The following CFAP77 variants were observed in gnomAD, a reference collection of about 807,000 sequenced individuals.
CFAP77 encodes cilia and flagella associated protein 77, also known as cilia- and flagella-associated protein 77.
In CFAP77, 25 loss-of-function variants were observed where a neutral mutation model predicts 31.1. That is an observed-to-expected ratio of 0.80 (90% confidence interval 0.59 to 1.12). CFAP77 has a LOEUF of 1.12. Ranked by LOEUF, CFAP77 falls within the 50% of genes most tolerant of loss-of-function variation. The probability of loss-of-function intolerance (pLI) is 0.00; values close to 1 mark genes in which losing one functional copy is unlikely to be tolerated. For missense variants in CFAP77, 377 were observed against 397.3 expected (o/e 0.95, Z 0.44); for synonymous variants, 151 against 159.9 (o/e 0.94, Z 0.42).
chr9:132,512,045 ACT>A (rs1852050438), intron 3 of CFAP77, among the ~76,000 whole-genome samples: 1 of 150,926 alleles, frequency 6.6e-6, no homozygotes, highest in Non-Finnish European at 1.5e-5. Flanking sequence ...CAAAAGCAAA[ACT>A]CTGTTTAAAA....
chr9:132,517,499 T>C lies in CFAP77; in HGVS notation c.524+17899T>C, dbSNP rs965718428. ...TCACTGATGACCAATTATTTTAGCC[T>C]GCTGTGAACGGAGAGCCGTACTAAA... On this transcript the variant is annotated intron_variant, in intron 3 of 5. Transcript: ENST00000393216. The surrounding 1 kb of genome is among the most constrained non-coding windows in gnomAD (Gnocchi z 4.7). Among the ~76,000 whole-genome samples the C allele has an allele frequency of 2.2e-4, 33 of 152,334 alleles. No homozygotes were observed. The highest frequency in any genetic ancestry group is 7.7e-4 in the African/African-American group (32 of 41,564).
chr9:132,529,765 G>A (rs1253891937), intron 3 of CFAP77, among the ~76,000 whole-genome samples: 2 of 151,020 alleles, frequency 1.3e-5, no homozygotes, highest in African/African-American at 4.9e-5. Flanking sequence ...GGCAGAGGTT[G>A]CAGTGAGCCA....
chr9:132,461,912 C>A (rs1191825239), intron 1 of CFAP77, among the ~76,000 whole-genome samples: 1 of 152,116 alleles, frequency 6.6e-6, no homozygotes, highest in African/African-American at 2.4e-5. Flanking sequence ...TTTTAAACGC[C>A]CCAAGGGTCC....
At chr9:132,515,468 TGA>T (rs1222736593) in intron 3 of CFAP77, among the ~76,000 whole-genome samples, 1 of 152,230 alleles carries the variant, frequency 6.6e-6, no homozygotes, top group Non-Finnish European at 1.5e-5. Flanking sequence ...AGTATAAAGA[TGA>T]ATATAATCCA....
intron 3 of CFAP77, among the ~76,000 whole-genome samples, chr9:132,530,064 T>C (rs568584511): frequency 1.0e-3 from 154 of 151,988 alleles, no homozygotes; most frequent in Non-Finnish European, 2.0e-3. Context: ...TTCATGTGTT[T>C]GTTTGCCATC....
In CFAP77 at chr9:132,499,564, C is replaced by G. The variant is rs768180880; in HGVS notation, c.488C>G (p.Pro163Arg). The change falls in exon 3 of 6, where the codon CCT (proline) becomes CGT (arginine). Residue 163 changes from proline (P) to arginine (R), a missense_variant. By Grantham distance (103) the Pro-to-Arg change is moderately radical (BLOSUM62 -2). Transcript: ENST00000393216. This position sits in a 1 kb window ranked among gnomAD's most constrained non-coding sequence, Gnocchi z 5.4. ...CGGCGCATGAAGAAAGAGCCGCCCC[C>G]TCTCCCTCCAAACATGACATTTGGG... ...DDRRMKKEPP[P>R]LPPNMTFGIR... 8.1e-6 allele frequency: 13 copies of G among 1,614,244 alleles called. No homozygotes were observed. The Admixed American group carries it at 1.8e-4, about 23-fold the overall frequency.
At chr9:132,541,797 G>A (rs1431259607) in intron 4 of CFAP77, among the ~76,000 whole-genome samples, 1 of 152,192 alleles carries the variant, frequency 6.6e-6, no homozygotes, top group Non-Finnish European at 1.5e-5. Flanking sequence ...AATAAAATCA[G>A]TAAAAGGGGT....
rs1449135824 is a variant in CFAP77, at chr9:132,410,211, G to A, written c.-61G>A. 16 of 1,416,182 alleles carry A rather than the reference G, an allele frequency of 1.1e-5. No homozygotes were observed. In the East Asian group the frequency reaches 2.5e-4, roughly 22 times the overall value. The allele number at this position is 1,416,182 out of a possible 1,614,324, so 87.7% of individuals were successfully genotyped here. A position where few individuals can be genotyped will look rare whatever the true frequency, so the allele number is the denominator to read the frequency against. ...CAGGCCCTTCGGAGCTCCAGGCTGTGCCCGACGTGGGGAAGCGCGCCCAAA... is the reference window on the plus strand; with the variant it reads ...CAGGCCCTTCGGAGCTCCAGGCTGTACCCGACGTGGGGAAGCGCGCCCAAA... On this transcript the variant is annotated 5_prime_UTR_variant, in exon 1 of 6. Coordinates refer to ENST00000393216, the MANE Select transcript of CFAP77 (RefSeq NM_001282957.2).
chr9:132,505,988 C>A (rs755702147), intron 3 of CFAP77, among the ~76,000 whole-genome samples: 1 of 152,192 alleles, frequency 6.6e-6, no homozygotes, highest in Admixed American at 6.5e-5. Flanking sequence ...TAATTGCTAA[C>A]CCTTATGTCC....
chr9:132,516,576 A>G (rs10793935), intron 3 of CFAP77, among the ~76,000 whole-genome samples: 59,778 of 148,766 alleles, frequency 0.4, 12,242 homozygotes, highest in East Asian at 0.65. Context: ...ACACATGATT[A>G]AACCACACAG....
intron 1 of CFAP77, among the ~76,000 whole-genome samples, chr9:132,493,389 A>G (rs545641467): frequency 4.6e-5 from 7 of 152,334 alleles, no homozygotes; most frequent in Admixed American, 2.0e-4. Flanking sequence ...TGCATTTGGA[A>G]AAAAAATAGT....
In CFAP77 at chr9:132,501,756, G is replaced by C. The variant is rs1851848434; in HGVS notation, c.524+2156G>C. On this transcript the variant is annotated intron_variant, in intron 3 of 5. Coordinates refer to ENST00000393216, the MANE Select transcript of CFAP77 (RefSeq NM_001282957.2). The surrounding 1 kb of genome is among the most constrained non-coding windows in gnomAD (Gnocchi z 4.6). ...GGTCAGGGCTGAGACGCCAGGCCTGGGTCATGTGTCTGCCTCAGAGCCAAT... is the reference window on the plus strand; with the variant it reads ...GGTCAGGGCTGAGACGCCAGGCCTGCGTCATGTGTCTGCCTCAGAGCCAAT... Among the ~76,000 whole-genome samples the C allele has an allele frequency of 6.6e-6, 1 of 152,192 alleles. No individual in the cohort carries two copies. The highest frequency in any genetic ancestry group is 1.5e-5 in the Non-Finnish European group (1 of 68,036).
intron 1 of CFAP77, among the ~76,000 whole-genome samples, chr9:132,445,593 C>T (rs552360481): frequency 4.6e-5 from 7 of 152,154 alleles, no homozygotes; most frequent in South Asian, 2.1e-4. Context: ...ATATGCTGGG[C>T]GCGGTGGCTC....
Position 132,539,718 on chromosome 9 carries a change from A to T in CFAP77, c.630+2012A>T, listed in dbSNP as rs1852606620. Among the ~76,000 whole-genome samples the T allele has an allele frequency of 6.6e-6, 1 of 152,134 alleles. No homozygotes were observed. Among genetic ancestry groups the T allele is most frequent in the Admixed American group, 6.5e-5 (1 of 15,286 alleles). On this transcript the variant is annotated intron_variant, in intron 4 of 5. Transcript: ENST00000393216. The surrounding 1 kb of genome is among the most constrained non-coding windows in gnomAD (Gnocchi z 4.3). ...GCCAGGGCCTCTCCTGGCTCTTCTC[A>T]GCAGTCTGCAGAACGTCAGACACCT...
intron 5 of CFAP77, among the ~76,000 whole-genome samples, chr9:132,550,482 T>A (rs1852805615): frequency 6.6e-6 from 1 of 151,638 alleles, no homozygotes; most frequent in African/African-American, 2.4e-5. Flanking sequence ...GGGAAGGAAT[T>A]TGGGGAGCAG....
chr9:132,505,107 T>C (rs138401448), intron 3 of CFAP77, among the ~76,000 whole-genome samples: 8 of 152,366 alleles, frequency 5.3e-5, no homozygotes, highest in Non-Finnish European at 8.8e-5. Context: ...TCAGACTGAA[T>C]CCACTAACGC....
At chr9:132,518,113 A>C (rs1852181275) in intron 3 of CFAP77, among the ~76,000 whole-genome samples, 1 of 152,136 alleles carries the variant, frequency 6.6e-6, no homozygotes, top group Non-Finnish European at 1.5e-5. Context: ...CAGGCTGTTC[A>C]GGAGTCCACA....
rs888644854 is a variant in CFAP77 at position 132,410,362 on chromosome 9, C to A, written c.91C>A (p.Pro31Thr). Residue 31 changes from proline to threonine, a missense_variant, in exon 1 of 6, where the codon CCC becomes ACC. Pro to Thr is a conservative substitution (Grantham distance 38, BLOSUM62 -1). Coordinates refer to ENST00000393216, the MANE Select transcript of CFAP77 (RefSeq NM_001282957.2). ...CCGCACGGTCAGCCAGGTCTGCCCG[C>A]CCCCGCGGCGGCCCCTGACCGTGGC... is the stretch of plus-strand genomic sequence containing the variant. ...VRRTVSQVCP[P>T]PRRPLTVADI... The A allele has an allele frequency of 6.3e-7, 1 of 1,598,618 alleles. No homozygotes were observed. Among genetic ancestry groups the A allele is most frequent in the Non-Finnish European group, 8.5e-7 (1 of 1,174,012 alleles).
chr9:132,477,832 C>T (rs962071524), intron 1 of CFAP77, among the ~76,000 whole-genome samples: 2 of 152,140 alleles, frequency 1.3e-5, no homozygotes, highest in African/African-American at 2.4e-5. Context: ...GGAGTCCAGA[C>T]CCTCTGAGTC....
Sources: gnomAD v4.1 joint callset for allele counts (sites outside exome capture counted in the v4.1 genomes callset) on GRCh38, gnomAD v4.1.1 for gene constraint, Gnocchi (gnomAD v3.1) non-coding constraint, MANE v1.5 for transcripts, NCBI Gene and HGNC (gene_info 2026-07-23, HGNC 2026-07-21) for gene names.